Variants in KDM4C observed in about 807,000 individuals in gnomAD.
The protein encoded by KDM4C is lysine demethylase 4C.
A neutral mutation model predicts 129.3 loss-of-function variants in KDM4C; 81 were observed. That is an observed-to-expected ratio of 0.63 (90% confidence interval 0.52 to 0.75). The LOEUF is 0.75. KDM4C is among the 30% of genes least tolerant of loss of function. KDM4C has a pLI of 0.00. For synonymous variants in KDM4C, 573 were observed against 456.1 expected, an observed-to-expected ratio of 1.26 and a Z score of -3.26; for missense variants, 1,457 against 1,304.0, an observed-to-expected ratio of 1.12 and a Z score of -1.81.
chr9:7,055,086 G>T (rs1289316567), intron 17 of KDM4C, among the ~76,000 whole-genome samples: 1 of 152,112 alleles, frequency 6.6e-6, no homozygotes, highest in Non-Finnish European at 1.5e-5. Context: ...CCTATCGCAG[G>T]AGAATTGCTT....
chr9:6,785,957 C>G (rs1825395565), intron 1 of KDM4C, among the ~76,000 whole-genome samples: 1 of 152,214 alleles, frequency 6.6e-6, no homozygotes, highest in Non-Finnish European at 1.5e-5. Context: ...TAGCCAGAGA[C>G]ATAGTCTGCT....
intron 19 of KDM4C, among the ~76,000 whole-genome samples, chr9:7,133,419 T>C (rs1480686337): frequency 6.6e-6 from 1 of 152,204 alleles, no homozygotes; most frequent in Non-Finnish European, 1.5e-5. Context: ...TATAATAGCC[T>C]AGTTCCCTAC....
chr9:6,914,038 GTT>G (rs1819834308), intron 8 of KDM4C, among the ~76,000 whole-genome samples: 1 of 152,230 alleles, frequency 6.6e-6, no homozygotes, highest in East Asian at 1.9e-4. Context: ...ACTGTTATTT[GTT>G]TACAACATAG....
At chr9:7,105,517 C>T in intron 18 of KDM4C, 1 of 467,416 alleles carries the variant, frequency 2.1e-6, no homozygotes, top group Non-Finnish European at 4.4e-6. Context: ...AGTGTTTTTC[C>T]TGTTTCGAGG....
At chr9:7,092,398 A>G (rs1835908935) in intron 17 of KDM4C, among the ~76,000 whole-genome samples, 1 of 152,076 alleles carries the variant, frequency 6.6e-6, no homozygotes, top group Non-Finnish European at 1.5e-5. Context: ...ATGAACCGCA[A>G]GTGTTACCTT....
intron 1 of KDM4C, among the ~76,000 whole-genome samples, chr9:6,784,345 C>T (rs1028927143): frequency 6.6e-6 from 1 of 152,162 alleles, no homozygotes; most frequent in African/African-American, 2.4e-5. Flanking sequence ...TGTCCTGCCT[C>T]AGCCTCCCAA....
chr9:6,908,068 T>C (rs1203700867), intron 8 of KDM4C, among the ~76,000 whole-genome samples: 1 of 152,210 alleles, frequency 6.6e-6, no homozygotes, highest in Non-Finnish European at 1.5e-5. Context: ...AAGATATTTA[T>C]TGGTTACACA....
intron 19 of KDM4C, among the ~76,000 whole-genome samples, chr9:7,160,000 A>AC (rs1188507609): frequency 6.6e-6 from 1 of 151,628 alleles, no homozygotes; most frequent in African/African-American, 2.4e-5. Context: ...TTTCACATAG[A>AC]CCCATATTTC....
chr9:6,828,945 C>G (rs1337332880), intron 4 of KDM4C, among the ~76,000 whole-genome samples: 1 of 152,216 alleles, frequency 6.6e-6, no homozygotes, highest in Non-Finnish European at 1.5e-5. Context: ...CTCTTTACCT[C>G]TCAACTGTTA....
chr9:6,988,902 C>G (rs773038101), intron 11 of KDM4C, among the ~76,000 whole-genome samples: 1 of 152,024 alleles, frequency 6.6e-6, no homozygotes, highest in African/African-American at 2.4e-5. Context: ...CTTTCTATTC[C>G]TTTGTCCTTC....
chr9:6,804,466 GAATAT>G (rs1386889288), intron 2 of KDM4C, among the ~76,000 whole-genome samples: 1 of 152,144 alleles, frequency 6.6e-6, no homozygotes, highest in Non-Finnish European at 1.5e-5. Flanking sequence ...AGTCTATAAA[GAATAT>G]AATGTTGGCC....
chr9:7,141,475 T>A (rs1018246280), intron 19 of KDM4C, among the ~76,000 whole-genome samples: 2 of 152,226 alleles, frequency 1.3e-5, no homozygotes, highest in African/African-American at 4.8e-5. Flanking sequence ...TAATTTGGAC[T>A]AATTTAGGAT....
chr9:7,116,994 G>A (rs77788118), intron 18 of KDM4C, among the ~76,000 whole-genome samples: 3,564 of 152,238 alleles, frequency 0.023, 101 homozygotes, highest in East Asian at 0.14. Flanking sequence ...ATAGTTACAC[G>A]TAGTACATTA....
chr9:6,908,356 C>T (rs1224130943), intron 8 of KDM4C, among the ~76,000 whole-genome samples: 4 of 152,072 alleles, frequency 2.6e-5, no homozygotes, highest in African/African-American at 4.8e-5. Flanking sequence ...AGCTGCTGTG[C>T]GAAGTGGGTA....
intron 5 of KDM4C, among the ~76,000 whole-genome samples, chr9:6,870,823 T>C (rs1842732298): frequency 1.0e-5 from 1 of 99,824 alleles, no homozygotes; most frequent in Admixed American, 1.0e-4. Context: ...TCACACGGCC[T>C]TAGTTAGGCG....
At chr9:6,824,892 C>T (rs11792093) in intron 4 of KDM4C, among the ~76,000 whole-genome samples, 9,085 of 151,920 alleles carry the variant, frequency 0.06, 383 homozygotes, top group East Asian at 0.19. Flanking sequence ...ACCCATAATC[C>T]CAGCACTTGG....
chr9:6,818,883 A>G (rs1832571547), intron 4 of KDM4C: 1 of 152,080 alleles, frequency 6.6e-6, no homozygotes, highest in South Asian at 2.1e-4. Context: ...AATATGTAAA[A>G]CTAGGTCTTT....
intron 1 of KDM4C, among the ~76,000 whole-genome samples, chr9:6,761,204 TC>T (rs1034616042): frequency 2.6e-5 from 4 of 152,044 alleles, no homozygotes; most frequent in Admixed American, 6.6e-5. Flanking sequence ...AGACAGGGTT[TC>T]ACCATGTTGT....
At chr9:6,733,999 G>A (rs1173188711) in intron 1 of KDM4C, among the ~76,000 whole-genome samples, 1 of 152,156 alleles carries the variant, frequency 6.6e-6, no homozygotes, top group Non-Finnish European at 1.5e-5. Context: ...TTATCAGCAA[G>A]GTCTTTATGA....
Sources: allele counts gnomAD v4.1 joint callset (sites outside exome capture counted in the v4.1 genomes callset), GRCh38; gene constraint gnomAD v4.1.1; transcripts MANE v1.5; gene names NCBI Gene and HGNC (gene_info 2026-07-23, HGNC 2026-07-21).